B3GALT1: variants seen among roughly 807,000 people sequenced by gnomAD.
B3GALT1 encodes UDP-Gal:betaGlcNAc beta 1,3-galactosyltransferase, polypeptide 1.
A neutral mutation model predicts 23.2 loss-of-function variants in B3GALT1; 10 were observed. That is an observed-to-expected ratio of 0.43 (90% confidence interval 0.27 to 0.73). B3GALT1 has a LOEUF of 0.73. Ranked by LOEUF, B3GALT1 falls within the 30% of genes least tolerant of loss-of-function variation. The pLI is 0.21. For missense variants in B3GALT1, 299 were observed against 405.4 expected (o/e 0.74, Z 2.25); for synonymous variants, 156 against 141.5 (o/e 1.10, Z -0.73).
rs551556980 is a variant in B3GALT1, at chr2:167,670,812, A to G, written c.-352+23846A>G. The stretch of plus-strand genomic sequence containing the variant: ...CAGGCTAAATTAAACAAAAGAAAGA[A>G]TTTGTGAACTCAAAGACAAGTCACT... On this transcript the variant is annotated intron_variant, in intron 3 of 4. Transcript: ENST00000392690. Among the ~76,000 whole-genome samples the G allele has an allele frequency of 5.9e-5, 9 of 152,314 alleles. No individual in the cohort carries two copies. The South Asian group carries it at 1.9e-3, about 32-fold the overall frequency.
chr2:167,408,446 AAGGAGATGAAC>A (rs1698342344), intron 1 of B3GALT1, among the ~76,000 whole-genome samples: 1 of 152,156 alleles, frequency 6.6e-6, no homozygotes, highest in Non-Finnish European at 1.5e-5. Context: ...CCTCTCCTCA[AAGGAGATGAAC>A]AGGACAAGGA....
intron 1 of B3GALT1, among the ~76,000 whole-genome samples, chr2:167,359,317 G>A (rs189717794): frequency 6.6e-6 from 1 of 152,204 alleles, no homozygotes; most frequent in African/African-American, 2.4e-5. Context: ...TCTAATATGT[G>A]TTTAACACAC....
intron 3 of B3GALT1, among the ~76,000 whole-genome samples, chr2:167,789,964 C>T (rs1332224159): frequency 6.6e-6 from 1 of 152,176 alleles, no homozygotes; most frequent in East Asian, 1.9e-4. Context: ...AACCACCACC[C>T]CGCAAAGACA....
intron 3 of B3GALT1, among the ~76,000 whole-genome samples, chr2:167,739,877 G>A (rs986599733): frequency 1.0e-4 from 15 of 148,208 alleles, no homozygotes; most frequent in Non-Finnish European, 1.8e-4. Context: ...GATTGCTTGA[G>A]CCCAGGAGTT....
intron 3 of B3GALT1, among the ~76,000 whole-genome samples, chr2:167,760,706 G>A (rs1203554892): frequency 1.3e-5 from 2 of 151,974 alleles, no homozygotes; most frequent in Non-Finnish European, 2.9e-5. Context: ...CTTAAGACAC[G>A]GGCTGATCTA....
intron 1 of B3GALT1, among the ~76,000 whole-genome samples, chr2:167,434,181 C>T (rs73023869): frequency 0.015 from 2,327 of 152,156 alleles, 63 homozygotes; most frequent in African/African-American, 0.051. Context: ...GCAAAAAGAA[C>T]CTAACATTTT....
intron 3 of B3GALT1, among the ~76,000 whole-genome samples, chr2:167,695,683 G>A (rs886549198): frequency 3.3e-5 from 5 of 152,082 alleles, no homozygotes; most frequent in African/African-American, 1.2e-4. Flanking sequence ...TTCAGATACA[G>A]GTCAGAATCC....
chr2:167,718,386 T>G (rs1687184356), intron 3 of B3GALT1, among the ~76,000 whole-genome samples: 1 of 152,232 alleles, frequency 6.6e-6, no homozygotes, highest in African/African-American at 2.4e-5. Flanking sequence ...AATATGTTAG[T>G]GTCATTCTGC....
chr2:167,648,413 A>T (rs1042296326), intron 3 of B3GALT1, among the ~76,000 whole-genome samples: 1 of 151,912 alleles, frequency 6.6e-6, no homozygotes, highest in African/African-American at 2.4e-5. Context: ...CCCCTTTCTC[A>T]TGTCCATCTC....
chr2:167,589,097 A>G (rs1684629365), intron 2 of B3GALT1, among the ~76,000 whole-genome samples: 1 of 152,030 alleles, frequency 6.6e-6, no homozygotes, highest in African/African-American at 2.4e-5. Context: ...ATGAGCCACC[A>G]TGTCCAGCTA....
At chr2:167,692,249 G>A (rs529644753) in intron 3 of B3GALT1, among the ~76,000 whole-genome samples, 10 of 152,200 alleles carry the variant, frequency 6.6e-5, no homozygotes, top group African/African-American at 2.2e-4. Context: ...AATTAAGGCA[G>A]CAGACTCCTG....
chr2:167,390,059 A>C (rs1349754642), intron 1 of B3GALT1, among the ~76,000 whole-genome samples: 1 of 152,198 alleles, frequency 6.6e-6, no homozygotes, highest in Admixed American at 6.5e-5. Flanking sequence ...ACACTGGGCC[A>C]TCATGGAGGA....
At chr2:167,754,651 G>T (rs991428133) in intron 3 of B3GALT1, among the ~76,000 whole-genome samples, 2 of 152,022 alleles carry the variant, frequency 1.3e-5, no homozygotes, top group Non-Finnish European at 2.9e-5. Flanking sequence ...ATATAGCCAG[G>T]CCACTCACCT....
intron 1 of B3GALT1, among the ~76,000 whole-genome samples, chr2:167,468,888 A>G (rs903028042): frequency 1.3e-5 from 2 of 152,212 alleles, no homozygotes. Flanking sequence ...AATAATCATC[A>G]TAATGAAATA....
intron 3 of B3GALT1, among the ~76,000 whole-genome samples, chr2:167,678,662 A>G (rs1262235083): frequency 1.3e-5 from 2 of 152,218 alleles, no homozygotes. Flanking sequence ...TGGCTTTTCT[A>G]TTAATTTCCA....
intron 3 of B3GALT1, among the ~76,000 whole-genome samples, chr2:167,665,948 G>C (rs190964285): frequency 0.017 from 2,560 of 152,098 alleles, 87 homozygotes; most frequent in East Asian, 0.079. Flanking sequence ...AGGGCTTTTT[G>C]TGTCTCTATT....
At chr2:167,316,458 A>G (rs1197739959) in intron 1 of B3GALT1, among the ~76,000 whole-genome samples, 1 of 151,954 alleles carries the variant, frequency 6.6e-6, no homozygotes, top group Non-Finnish European at 1.5e-5. Flanking sequence ...AGTGGTATCT[A>G]CCCCTTCTAA....
intron 3 of B3GALT1, among the ~76,000 whole-genome samples, chr2:167,671,490 C>CAA (rs1367121198): frequency 6.6e-6 from 1 of 151,648 alleles, no homozygotes; most frequent in Non-Finnish European, 1.5e-5. Context: ...TATAAAAAGA[C>CAA]AAATCAATAA....
In B3GALT1 at chr2:167,316,332, G is replaced by A. The variant is rs113060398; in HGVS notation, c.-511+22998G>A. On this transcript the variant is annotated intron_variant, in intron 1 of 4. Coordinates refer to ENST00000392690, the MANE Select transcript of B3GALT1 (RefSeq NM_020981.4). ...CTATAGGATTTTTGCATAGCACAAT[G>A]TTGCTTGGCCTGTAGTAGGCAATTG... Among the ~76,000 whole-genome samples the A allele has an allele frequency of 5.3e-5, 8 of 152,210 alleles. 1 individual carries two copies. The highest frequency in any genetic ancestry group is 1.9e-4 in the African/African-American group (8 of 41,562).
Sources: gnomAD v4.1 joint callset for allele counts (sites outside exome capture counted in the v4.1 genomes callset) on GRCh38, gnomAD v4.1.1 for gene constraint, MANE v1.5 for transcripts, NCBI Gene and HGNC (gene_info 2026-07-23, HGNC 2026-07-21) for gene names.